The following MGAT4C variants were observed in gnomAD, a reference collection of about 807,000 sequenced individuals.
The protein encoded by MGAT4C is MGAT4 family member C.
In MGAT4C, 19 loss-of-function variants were observed where a neutral mutation model predicts 40.1. That is an observed-to-expected ratio of 0.47 (90% CI 0.33 to 0.70). The LOEUF (loss-of-function observed/expected upper bound fraction) is 0.70. MGAT4C is among the 30% of genes least tolerant of loss of function. The probability of loss-of-function intolerance (pLI) is 0.02; values close to 1 mark genes in which losing one functional copy is unlikely to be tolerated. For missense variants in MGAT4C, 491 were observed against 563.2 expected (o/e 0.87, Z 1.30); for synonymous variants, 181 against 187.1 (o/e 0.97, Z 0.27).
intron 2 of MGAT4C, among the ~76,000 whole-genome samples, chr12:86,584,581 T>C (rs577305622): frequency 5.3e-5 from 8 of 151,412 alleles, no homozygotes; most frequent in South Asian, 4.1e-4. Flanking sequence ...TAAAGTATAA[T>C]AAAAATCCTT....
At chr12:85,986,327 A>T (rs560481971) in intron 3 of MGAT4C, among the ~76,000 whole-genome samples, 1 of 152,288 alleles carries the variant, frequency 6.6e-6, no homozygotes, top group East Asian at 1.9e-4. Context: ...AATTCAATGA[A>T]CTAGCTGCAG....
chr12:86,023,028 C>T (rs1889913934), intron 2 of MGAT4C, among the ~76,000 whole-genome samples: 1 of 151,956 alleles, frequency 6.6e-6, no homozygotes, highest in African/African-American at 2.4e-5. Context: ...GTTGATTTTT[C>T]CTGTTTTCTT....
rs969223079 is a variant in MGAT4C at position 85,980,816 on chromosome 12, T to TA, written c.296-387dup. Among the ~76,000 whole-genome samples the TA allele has an allele frequency of 4.6e-5, 7 of 151,806 alleles. No homozygotes were observed. In the South Asian group the frequency reaches 6.2e-4, roughly 14 times the overall value. ...TACAAGTTACTTTTTAAAGATAAAG[T>TA]AAAAAAAATGCTTTTTCTCTTTTGC... On this transcript the variant is annotated intron_variant, in intron 4 of 4. Coordinates refer to ENST00000611864, the MANE Select transcript of MGAT4C (RefSeq NM_001351288.2).
intron 2 of MGAT4C, among the ~76,000 whole-genome samples, chr12:86,587,049 T>A (rs2136441888): frequency 6.6e-6 from 1 of 152,236 alleles, no homozygotes; most frequent in East Asian, 1.9e-4. Flanking sequence ...CTGAATGGTA[T>A]TGCCTAGGTT....
chr12:86,774,197 G>T (rs1373122491), intron 1 of MGAT4C, among the ~76,000 whole-genome samples: 2 of 151,658 alleles, frequency 1.3e-5, no homozygotes, highest in Non-Finnish European at 2.9e-5. Flanking sequence ...CGAGTGATCT[G>T]TCCACCTGGC....
chr12:86,617,866 C>A (rs1226152972), intron 2 of MGAT4C, among the ~76,000 whole-genome samples: 1 of 151,942 alleles, frequency 6.6e-6, no homozygotes, highest in Non-Finnish European at 1.5e-5. Context: ...TTCTGCATAG[C>A]AAATGAAACA....
rs778023214 is a variant in MGAT4C at position 86,631,611 on chromosome 12, A to G, written c.-229+95598T>C. Among the ~76,000 whole-genome samples the G allele has an allele frequency of 7.2e-5, 11 of 152,118 alleles. 1 individual carries two copies. The highest frequency in any genetic ancestry group is 2.4e-4 in the African/African-American group (10 of 41,440). ...TCAGAAATAACACCACACTTCTACAACCATCTGATCTTTGACAAACCTGAC... is the reference window on the plus strand; with the variant it reads ...TCAGAAATAACACCACACTTCTACAGCCATCTGATCTTTGACAAACCTGAC... On this transcript the variant is annotated intron_variant, in intron 2 of 7. Coordinates refer to the MGAT4C transcript ENST00000548651.
chr12:86,634,130 A>G (rs925121284), intron 2 of MGAT4C, among the ~76,000 whole-genome samples: 1 of 152,146 alleles, frequency 6.6e-6, no homozygotes, highest in African/African-American at 2.4e-5. Context: ...AATAATTCAC[A>G]GTCAATTAGA....
chr12:86,719,771 T>C (rs566846502), intron 2 of MGAT4C, among the ~76,000 whole-genome samples: 1 of 152,318 alleles, frequency 6.6e-6, no homozygotes, highest in Non-Finnish European at 1.5e-5. Flanking sequence ...CTGATAAAAT[T>C]TCTTTAAAAC....
chr12:86,039,166 T>A (rs928926222), intron 2 of MGAT4C, among the ~76,000 whole-genome samples: 2 of 152,208 alleles, frequency 1.3e-5, no homozygotes, highest in Non-Finnish European at 2.9e-5. Context: ...TTCCTTCATT[T>A]CAACCTTGGT....
At chr12:86,191,100 C>T (rs1198903053) in intron 1 of MGAT4C, among the ~76,000 whole-genome samples, 1 of 131,054 alleles carries the variant, frequency 7.6e-6, no homozygotes, top group African/African-American at 4.2e-5. Flanking sequence ...CACACACACA[C>T]ACACACACAC....
At position 86,795,610 on chromosome 12, in the gene MGAT4C, GAGAGAA is replaced by G. The variant is rs796375142; in HGVS notation, c.-262+43050_-262+43055del. 6.1e-3 allele frequency among the ~76,000 whole-genome samples: 918 copies of G among 151,728 alleles called. 9 individuals carry two copies. The highest frequency in any genetic ancestry group is 0.021 in the African/African-American group (883 of 41,302). ...ATGAGAGACAGAGAAAGGAGAGAGA[GAGAGAA>G]AGAGAGAGAGAGAGAAATATGGAGG... On this transcript the variant is annotated intron_variant, in intron 1 of 7. Transcript: ENST00000548651.
At chr12:86,462,554 C>T (rs1403611642) in intron 2 of MGAT4C, among the ~76,000 whole-genome samples, 1 of 152,128 alleles carries the variant, frequency 6.6e-6, no homozygotes, top group African/African-American at 2.4e-5. Flanking sequence ...TATTGACTCA[C>T]ACAATCACAA....
intron 1 of MGAT4C, among the ~76,000 whole-genome samples, chr12:86,745,620 T>C (rs1951140987): frequency 6.6e-6 from 1 of 151,700 alleles, no homozygotes; most frequent in Non-Finnish European, 1.5e-5. Context: ...ACCAAATTTT[T>C]AGCATGATTT....
chr12:86,084,184 A>G (rs142854972), intron 1 of MGAT4C, among the ~76,000 whole-genome samples: 4 of 152,232 alleles, frequency 2.6e-5, no homozygotes, highest in East Asian at 3.9e-4. Context: ...AAATAAAGCA[A>G]TAACTCTAAT....
At chr12:85,985,065 C>G (rs540550662) in intron 3 of MGAT4C, among the ~76,000 whole-genome samples, 1 of 152,198 alleles carries the variant, frequency 6.6e-6, no homozygotes, top group Admixed American at 6.5e-5. Flanking sequence ...TAGGTGTGAG[C>G]CAGCACACCT....
At chr12:86,177,778 A>G (rs987357637) in intron 1 of MGAT4C, among the ~76,000 whole-genome samples, 31 of 152,124 alleles carry the variant, frequency 2.0e-4, no homozygotes, top group African/African-American at 7.5e-4. Context: ...AATCATTTCC[A>G]TATGAACCTT....
intron 2 of MGAT4C, among the ~76,000 whole-genome samples, chr12:86,036,395 T>C (rs1891241900): frequency 6.7e-6 from 1 of 150,132 alleles, no homozygotes; most frequent in Admixed American, 6.7e-5. Context: ...CTTGTGCTGG[T>C]TTTCAAAAGG....
At chr12:86,680,992 T>C (rs1054161940) in intron 2 of MGAT4C, among the ~76,000 whole-genome samples, 2 of 151,988 alleles carry the variant, frequency 1.3e-5, no homozygotes, top group African/African-American at 2.4e-5. Flanking sequence ...GTGCATTCTG[T>C]TTCCAAGATG....
Sources: allele counts gnomAD v4.1 joint callset (sites outside exome capture counted in the v4.1 genomes callset), GRCh38; gene constraint gnomAD v4.1.1; transcripts MANE v1.5; gene names NCBI Gene and HGNC (gene_info 2026-07-23, HGNC 2026-07-21).